RASEF: variants seen among roughly 807,000 people sequenced by gnomAD.
RASEF encodes the protein ras and EF-hand domain-containing protein.
RASEF carries 68 observed loss-of-function variants against 90.1 expected under a neutral mutation model. That is an observed-to-expected ratio of 0.75 (90% CI 0.62 to 0.92). The LOEUF is 0.92. Among genes scored for constraint, RASEF ranks in the 40% least tolerant of loss-of-function variants. RASEF has a pLI of 0.00. For missense variants in RASEF, 949 were observed against 937.2 expected, an observed-to-expected ratio of 1.01 and a Z score of -0.16; for synonymous variants, 331 against 345.2, an observed-to-expected ratio of 0.96 and a Z score of 0.46.
At chr9:83,092,541 G>A in the RASEF span, among the ~76,000 whole-genome samples, 1 of 151,888 alleles carries the variant, frequency 6.6e-6, no homozygotes, top group Non-Finnish European at 1.5e-5. Flanking sequence ...GGTCTCGCTG[G>A]CTTCAGGAGT....
At chr9:83,136,376 C>T in the RASEF span, among the ~76,000 whole-genome samples, 1 of 152,166 alleles carries the variant, frequency 6.6e-6, no homozygotes, top group African/African-American at 2.4e-5. Context: ...GATTGAACAC[C>T]TTTAATGTAG....
the RASEF span, among the ~76,000 whole-genome samples, chr9:83,091,938 A>G: frequency 6.6e-6 from 1 of 151,450 alleles, no homozygotes; most frequent in African/African-American, 2.4e-5. Flanking sequence ...AACAATAACT[A>G]CAAAGCTCAC....
At chr9:83,214,312 G>A in the RASEF span, among the ~76,000 whole-genome samples, 1 of 152,162 alleles carries the variant, frequency 6.6e-6, no homozygotes, top group East Asian at 1.9e-4. Flanking sequence ...TAAAACCCTA[G>A]AGGCAGAGGT....
At chr9:83,027,750 A>C (rs1207669072) in intron 1 of RASEF, among the ~76,000 whole-genome samples, 4 of 152,230 alleles carry the variant, frequency 2.6e-5, no homozygotes, top group Non-Finnish European at 4.4e-5. Flanking sequence ...ATGTAGCATG[A>C]TGTATGAATA....
the RASEF span, among the ~76,000 whole-genome samples, chr9:83,174,003 C>T: frequency 2.0e-5 from 3 of 151,510 alleles, no homozygotes; most frequent in East Asian, 1.9e-4. Flanking sequence ...TGCCTCTCTC[C>T]CATCTTGAAA....
chr9:83,142,324 C>T, the RASEF span, among the ~76,000 whole-genome samples: 4 of 152,182 alleles, frequency 2.6e-5, no homozygotes, highest in Non-Finnish European at 5.9e-5. Context: ...TTATATGCCA[C>T]GTTAAGTTGC....
chr9:83,152,766 A>C, the RASEF span, among the ~76,000 whole-genome samples: 40 of 152,136 alleles, frequency 2.6e-4, no homozygotes, highest in African/African-American at 9.4e-4. Flanking sequence ...ACACTCAGGA[A>C]ACTATAACTG....
the RASEF span, among the ~76,000 whole-genome samples, chr9:83,182,995 A>G: frequency 1.9e-3 from 282 of 152,282 alleles, 1 homozygote; most frequent in South Asian, 7.2e-3. Context: ...CTCCATTTTT[A>G]TTGCCTAAGA....
the RASEF span, among the ~76,000 whole-genome samples, chr9:83,168,880 T>C: frequency 3.9e-5 from 6 of 152,102 alleles, no homozygotes; most frequent in Non-Finnish European, 7.4e-5. Flanking sequence ...AAATATGCAA[T>C]AAATTATTGT....
chr9:83,027,449 C>T (rs1829568568), intron 1 of RASEF, among the ~76,000 whole-genome samples: 1 of 152,194 alleles, frequency 6.6e-6, no homozygotes, highest in Admixed American at 6.5e-5. Flanking sequence ...CTTCTCACTA[C>T]CATACAAAAG....
the RASEF span, among the ~76,000 whole-genome samples, chr9:83,207,282 G>A: frequency 6.6e-6 from 1 of 152,278 alleles, no homozygotes; most frequent in South Asian, 2.1e-4. Flanking sequence ...AAAAGTCACT[G>A]GAAGTGGGAT....
intron 1 of RASEF, among the ~76,000 whole-genome samples, chr9:83,052,433 CT>C (rs1830035209): frequency 9.4e-6 from 1 of 106,712 alleles, no homozygotes; most frequent in Non-Finnish European, 1.8e-5. Context: ...ATTCTTCTCT[CT>C]TTTTTCTTTA....
the RASEF span, among the ~76,000 whole-genome samples, chr9:83,103,595 G>A: frequency 6.6e-5 from 10 of 152,230 alleles, no homozygotes; most frequent in East Asian, 1.9e-3. Flanking sequence ...ATTCATGAAT[G>A]TTTGCATAAT....
rs576666011 is a variant in RASEF at position 83,024,896 on chromosome 9, T to C, written c.578+879A>G. On this transcript the variant is annotated intron_variant, in intron 2 of 16. Transcript: ENST00000376447. ...CCTCCTATTAAAAGGGCTGCATCTA[T>C]AAGCTCCAGGCAGAAACCAGCAGGG... 4.6e-5 allele frequency among the ~76,000 whole-genome samples: 7 copies of C among 152,186 alleles called. No individual in the cohort carries two copies. The East Asian group carries it at 1.4e-3, about 30-fold the overall frequency.
At chr9:83,153,547 T>C in the RASEF span, among the ~76,000 whole-genome samples, 1 of 152,204 alleles carries the variant, frequency 6.6e-6, no homozygotes, top group East Asian at 1.9e-4. Context: ...TTCTCCATCA[T>C]GGCGACCCTG....
At chr9:83,200,657 G>T in the RASEF span, among the ~76,000 whole-genome samples, 2 of 152,128 alleles carry the variant, frequency 1.3e-5, no homozygotes, top group Admixed American at 6.5e-5. Flanking sequence ...CACTCCACTG[G>T]AATGTAAGCT....
Position 83,012,417 on chromosome 9 carries a change from G to C in RASEF, c.843+17C>G. On this transcript the variant is annotated intron_variant, in intron 5 of 16. Transcript: ENST00000376447. Reference sequence around the variant, plus strand: ...TAACAGGAAGTGCATTTCTGTAAGTGAAAAGGTAATTCTTACCATTGATAA... The same window carrying C: ...TAACAGGAAGTGCATTTCTGTAAGTCAAAAGGTAATTCTTACCATTGATAA... 7.1e-7 allele frequency: 1 copy of C among 1,410,292 alleles called. No homozygotes were observed. Among genetic ancestry groups the C allele is most frequent in the Non-Finnish European group, 9.8e-7 (1 of 1,024,864 alleles). 87.4% of individuals were successfully genotyped at this position (1,410,292 alleles called of 1,614,324 possible). A position where few individuals can be genotyped will look rare whatever the true frequency, so the allele number is the denominator to read the frequency against.
the RASEF span, among the ~76,000 whole-genome samples, chr9:83,124,013 A>G: frequency 1.3e-5 from 2 of 151,742 alleles, no homozygotes; most frequent in African/African-American, 4.8e-5. Context: ...GAATTTGACT[A>G]CTCTAGGTAC....
At chr9:83,033,999 G>T (rs1038857310) in intron 1 of RASEF, among the ~76,000 whole-genome samples, 3 of 152,052 alleles carry the variant, frequency 2.0e-5, no homozygotes, top group East Asian at 1.9e-4. Context: ...TTCTAAAAAC[G>T]TATTTTTATT....
Sources: allele counts gnomAD v4.1 joint callset (sites outside exome capture counted in the v4.1 genomes callset), GRCh38; gene constraint gnomAD v4.1.1; transcripts MANE v1.5; gene names NCBI Gene and HGNC (gene_info 2026-07-23, HGNC 2026-07-21).